PGAP4: variants seen among roughly 807,000 people sequenced by gnomAD.
The protein encoded by PGAP4 is post-GPI attachment to proteins GalNAc transferase 4, also known as GPI-N-acetylgalactosamine transferase PGAP4.
In PGAP4, 12 loss-of-function variants were observed where a neutral mutation model predicts 28.2. The ratio of observed to expected loss-of-function variants is 0.42; its 90% CI spans 0.27 to 0.69. The LOEUF (loss-of-function observed/expected upper bound fraction) is 0.69. Among genes scored for constraint, PGAP4 ranks in the 30% least tolerant of loss-of-function variants. PGAP4 has a pLI of 0.22. For missense variants in PGAP4, 425 were observed against 513.5 expected (o/e 0.83, Z 1.67); for synonymous variants, 205 against 211.8 (o/e 0.97, Z 0.28).
rs763270009 is a variant in PGAP4 at position 101,474,833 on chromosome 9, A to G, written c.*1048T>C. 4 of 152,144 alleles carry G rather than the reference A, an allele frequency of 2.6e-5. No homozygotes were observed. Among genetic ancestry groups the G allele is most frequent in the Non-Finnish European group, 4.4e-5 (3 of 68,032 alleles). 9.4% of individuals were successfully genotyped at this position (152,144 alleles called of 1,614,324 possible). A position where few individuals can be genotyped will look rare whatever the true frequency, so the allele number is the denominator to read the frequency against. On this transcript the variant is annotated 3_prime_UTR_variant, in exon 2 of 2. Transcript: ENST00000374848. ...ACATATATTCTGCCATTTAATCCTC[A>G]AGGCAACTTTAACATGTAAGTATTA...
Position 101,486,033 on chromosome 9 carries a change from G to C in PGAP4, c.-78+916C>G, listed in dbSNP as rs932402616. Among the ~76,000 whole-genome samples, 2 of 152,102 alleles carry C rather than the reference G, an allele frequency of 1.3e-5. No homozygotes were observed. On this transcript the variant is annotated intron_variant, in intron 1 of 1. Coordinates refer to ENST00000374848, the MANE Select transcript of PGAP4 (RefSeq NM_032342.3). This position sits in a 1 kb window ranked among gnomAD's most constrained non-coding sequence, Gnocchi z 4.7. ...GAGATCATCATTGGAGCCGCCCTGC[G>C]GTCCCCCGGAGAGAGCCTGGGCCGA...
At chr9:101,527,422 G>C (rs1037090026) in intron 2 of PGAP4, among the ~76,000 whole-genome samples, 2 of 152,078 alleles carry the variant, frequency 1.3e-5, no homozygotes. Context: ...TGTCGTTGTT[G>C]GAGTCAATAC....
chr9:101,492,266 T>C (rs918817983), intron 2 of PGAP4, among the ~76,000 whole-genome samples: 2 of 152,038 alleles, frequency 1.3e-5, no homozygotes, highest in Admixed American at 6.6e-5. Flanking sequence ...CGATCTCGGC[T>C]CACTGCAACC....
rs560524982 is a variant in PGAP4, at chr9:101,517,181, C to G, written c.-165+14167G>C. 1.6e-4 allele frequency among the ~76,000 whole-genome samples: 25 copies of G among 152,090 alleles called. No individual in the cohort carries two copies. In the South Asian group the frequency reaches 5.2e-3, roughly 32 times the overall value. ...ATAAGATTTCAGAAGCTTTACCTCA[C>G]CAAGTTCCAAAGTGAAGACAAATTT... On this transcript the variant is annotated intron_variant, in intron 2 of 3. Transcript: ENST00000374851.
intron 1 of PGAP4, among the ~76,000 whole-genome samples, chr9:101,485,339 G>A (rs1378583816): frequency 1.3e-5 from 2 of 151,756 alleles, no homozygotes; most frequent in African/African-American, 2.4e-5. Flanking sequence ...TATATATTTC[G>A]ATGAGTTTTG....
intron 1 of PGAP4, among the ~76,000 whole-genome samples, chr9:101,484,748 GT>G (rs1826574154): frequency 6.6e-6 from 1 of 152,200 alleles, no homozygotes; most frequent in African/African-American, 2.4e-5. Flanking sequence ...AAATGTGTCT[GT>G]TGTTTAAGCC....
intron 2 of PGAP4, among the ~76,000 whole-genome samples, chr9:101,528,940 C>G (rs1460771959): frequency 1.3e-5 from 2 of 151,890 alleles, no homozygotes; most frequent in Admixed American, 1.3e-4. Flanking sequence ...CCTCTCCCTC[C>G]TCCCACCCTT....
At position 101,475,999 on chromosome 9, in the gene PGAP4, G is replaced by T; in HGVS notation, c.1094C>A (p.Ala365Glu). ...YCHKGFGKDM[A>E]LYSLLRAKGE... ...CTTGGCCCTCAACAGCGAGTACAGT[G>T]CCATGTCCTTGCCAAAGCCCTTGTG... The change falls in exon 2 of 2, where the codon GCA becomes GAA. Residue 365 changes from alanine (A) to glutamate (E), a missense_variant. Ala to Glu is a moderately radical substitution (Grantham distance 107). Transcript: ENST00000374848. 1 of 1,614,170 alleles carries T rather than the reference G, an allele frequency of 6.2e-7. No individual in the cohort carries two copies. The highest frequency in any genetic ancestry group is 8.5e-7 in the Non-Finnish European group (1 of 1,180,032).
upstream of PGAP4, among the ~76,000 whole-genome samples, chr9:101,487,939 C>T (rs1166828942): frequency 6.6e-6 from 1 of 152,120 alleles, no homozygotes; most frequent in African/African-American, 2.4e-5. Context: ...GACCTTATGA[C>T]CCACAAAACC....
At chr9:101,477,211 A>AAAACAAACAAACAAAC (rs71356363) in intron 1 of PGAP4, 42 bp from the exon 2 acceptor site, 2 of 1,245,988 alleles carry the variant, frequency 1.6e-6, no homozygotes, top group Non-Finnish European at 2.1e-6. Flanking sequence ...GTAACTTAAA[A>AAAACAAACAAACAAAC]AAACAAACAA....
rs1035465705 is a variant in PGAP4 at position 101,487,076 on chromosome 9, T to G, written c.-205A>C. ...CCGGAAGGAGCGGGCGCAGCGCGGT[T>G]TGGGTGTGCGCCGGAGCCTCACCTC... On this transcript the variant is annotated 5_prime_UTR_variant, in exon 1 of 2. Coordinates refer to ENST00000374848, the MANE Select transcript of PGAP4 (RefSeq NM_032342.3). The G allele has an allele frequency of 5.9e-5, 9 of 152,280 alleles. No homozygotes were observed. The highest frequency in any genetic ancestry group is 2.2e-4 in the African/African-American group (9 of 41,452). The allele number at this position is 152,280 out of a possible 1,614,324, so 9.4% of individuals were successfully genotyped here. A position where few individuals can be genotyped will look rare whatever the true frequency, so the allele number is the denominator to read the frequency against.
At chr9:101,491,812 GAT>G (rs58209077), upstream of PGAP4, among the ~76,000 whole-genome samples, 4,129 of 105,992 alleles carry the variant, frequency 0.039, 46 homozygotes, top group African/African-American at 0.051. Flanking sequence ...AATCTTAAAG[GAT>G]ATATATATAT....
chr9:101,486,932 G>A lies in PGAP4; in HGVS notation c.-78+17C>T. 1 of 152,792 alleles carries A rather than the reference G, an allele frequency of 6.5e-6. No homozygotes were observed. Among genetic ancestry groups the A allele is most frequent in the South Asian group, 2.1e-4 (1 of 4,840 alleles). The allele number at this position is 152,792 out of a possible 1,614,324, so 9.5% of individuals were successfully genotyped here. A position where few individuals can be genotyped will look rare whatever the true frequency, so the allele number is the denominator to read the frequency against. Reference sequence around the variant, plus strand: ...GCGCCAGAAGGGCTGGGCAGATCGTGCGCAACAGAAACCTACCCGGTTGGG... The same window carrying A: ...GCGCCAGAAGGGCTGGGCAGATCGTACGCAACAGAAACCTACCCGGTTGGG... On this transcript the variant is annotated intron_variant, in intron 1 of 1. Coordinates refer to ENST00000374848, the MANE Select transcript of PGAP4 (RefSeq NM_032342.3). The surrounding 1 kb of genome is among the most constrained non-coding windows in gnomAD (Gnocchi z 4.7).
chr9:101,489,989 A>C (rs2118570144), upstream of PGAP4, among the ~76,000 whole-genome samples: 1 of 152,228 alleles, frequency 6.6e-6, no homozygotes. Context: ...GATGGAGGAC[A>C]AACAATACGA....
At chr9:101,493,146 C>A (rs553520463) in intron 2 of PGAP4, among the ~76,000 whole-genome samples, 1 of 150,614 alleles carries the variant, frequency 6.6e-6, no homozygotes, top group Non-Finnish European at 1.5e-5. Flanking sequence ...CCCAGCTACT[C>A]GGGAGGCTGA....
chr9:101,494,949 T>C (rs1215874088), intron 2 of PGAP4, among the ~76,000 whole-genome samples: 1 of 150,118 alleles, frequency 6.7e-6, no homozygotes, highest in East Asian at 1.9e-4. Context: ...AATGTAACTT[T>C]AGAAAAGATT....
intron 2 of PGAP4, among the ~76,000 whole-genome samples, chr9:101,510,113 C>G (rs532302806): frequency 2.6e-5 from 4 of 152,186 alleles, no homozygotes; most frequent in Admixed American, 6.5e-5. Context: ...TTCATCCTCT[C>G]TAACAGTTGT....
chr9:101,489,917 A>T (rs145318763), upstream of PGAP4, among the ~76,000 whole-genome samples: 6 of 152,348 alleles, frequency 3.9e-5, no homozygotes, highest in East Asian at 9.6e-4. Context: ...TTGAATTTGA[A>T]CATATACCTG....
rs533042688 is a variant in PGAP4, at chr9:101,505,047, A to G, written c.-164-15847T>C. On this transcript the variant is annotated intron_variant, in intron 2 of 3. Coordinates refer to the PGAP4 transcript ENST00000374851. ...TGAAAATAGCACACAACTGAACCCT[A>G]TGACATTTCCTCCTTAAGCTTTTAT... Among the ~76,000 whole-genome samples, 216 of 152,220 alleles carry G rather than the reference A, an allele frequency of 1.4e-3. 1 individual carries two copies. The highest frequency in any genetic ancestry group is 4.9e-3 in the African/African-American group (205 of 41,564).
Sources: gnomAD v4.1 joint callset for allele counts (sites outside exome capture counted in the v4.1 genomes callset) on GRCh38, gnomAD v4.1.1 for gene constraint, Gnocchi (gnomAD v3.1) non-coding constraint, MANE v1.5 for transcripts, NCBI Gene and HGNC (gene_info 2026-07-23, HGNC 2026-07-21) for gene names.